The following VWA5B1 variants were observed in gnomAD, a reference collection of about 807,000 sequenced individuals.
VWA5B1 encodes the protein von Willebrand factor A domain containing 5B1, also known as von Willebrand factor A domain-containing protein 5B1.
In VWA5B1, 115 loss-of-function variants were observed where a neutral mutation model predicts 118.2. The ratio of observed to expected loss-of-function variants is 0.97; its 90% confidence interval spans 0.84 to 1.14. The LOEUF (loss-of-function observed/expected upper bound fraction) is 1.14, where lower values mean the gene tolerates loss of function less well. Ranked by LOEUF, VWA5B1 falls within the 50% of genes most tolerant of loss-of-function variation. The probability of loss-of-function intolerance (pLI) is 0.00; values close to 1 mark genes in which losing one functional copy is unlikely to be tolerated. For synonymous variants in VWA5B1, 682 were observed against 658.4 expected, an observed-to-expected ratio of 1.04 and a Z score of -0.55; for missense variants, 1,596 against 1,603.8, an observed-to-expected ratio of 1.00 and a Z score of 0.08.
At chr1:20,343,936 G>A (rs1213892670) in intron 16 of VWA5B1, among the ~76,000 whole-genome samples, 2 of 99,750 alleles carry the variant, frequency 2.0e-5, no homozygotes, top group African/African-American at 8.5e-5. Flanking sequence ...TCCAGGATCA[G>A]CCCTTCATCT....
At chr1:20,348,452 C>G (rs1262523730) in intron 18 of VWA5B1, 94 bp downstream of exon 18, 13 of 1,305,068 alleles carry the variant, frequency 1.0e-5, no homozygotes, top group Non-Finnish European at 1.4e-5. Context: ...GGCCCTAGGA[C>G]CACTCTCTGA....
intron 7 of VWA5B1, 143 bp downstream of exon 7, chr1:20,319,649 T>G: frequency 1.5e-6 from 2 of 1,293,636 alleles, no homozygotes; most frequent in Non-Finnish European, 1.0e-6. Flanking sequence ...CAAGAAGTGT[T>G]TCCTTCTGTG....
intron 11 of VWA5B1, among the ~76,000 whole-genome samples, chr1:20,331,840 T>C (rs1477517649): frequency 6.6e-6 from 1 of 152,110 alleles, no homozygotes; most frequent in Non-Finnish European, 1.5e-5. Flanking sequence ...AAGAGAGATT[T>C]GAAAGCTCAC....
At chr1:20,328,409 G>A (rs2089451082) in intron 9 of VWA5B1, among the ~76,000 whole-genome samples, 1 of 152,110 alleles carries the variant, frequency 6.6e-6, no homozygotes. Context: ...GTGGATGAGT[G>A]GGCGTGGCAG....
rs200490020 is a variant in VWA5B1 at position 20,314,643 on chromosome 1, G to C, written c.563+51G>C. On this transcript the variant is annotated intron_variant, in intron 4 of 21. Transcript: ENST00000289815. ...CAGAGTCCCAGGTGGGCAGCAGAGA[G>C]TGCGTCAGGTGACATTAGTAGGGGA... 1,363 of 1,532,832 alleles carry C rather than the reference G, an allele frequency of 8.9e-4. 1 individual carries two copies. Among genetic ancestry groups the C allele is most frequent in the Non-Finnish European group, 1.1e-3 (1,263 of 1,135,604 alleles). 95.0% of individuals were successfully genotyped at this position (1,532,832 alleles called of 1,614,324 possible).
intron 1 of VWA5B1, among the ~76,000 whole-genome samples, chr1:20,300,271 C>A (rs904750887): frequency 2.6e-5 from 4 of 152,164 alleles, no homozygotes; most frequent in African/African-American, 9.7e-5. Flanking sequence ...CAGATCCCTT[C>A]AACTGGGCGG....
At chr1:20,298,362 T>C (rs1263612001) in intron 1 of VWA5B1, among the ~76,000 whole-genome samples, 2 of 152,126 alleles carry the variant, frequency 1.3e-5, no homozygotes, top group Non-Finnish European at 2.9e-5. Flanking sequence ...CTTCACTGCT[T>C]ACAATTCCAT....
At chr1:20,336,279 C>A in intron 12 of VWA5B1, 24 bp from the exon 13 acceptor site, 4 of 1,367,460 alleles carry the variant, frequency 2.9e-6, no homozygotes, top group Non-Finnish European at 3.8e-6. Context: ...CACTCCTAGC[C>A]CTCTTTTCTG....
At position 20,332,776 on chromosome 1, in the gene VWA5B1, C is replaced by T. The variant is rs1192043383; in HGVS notation, c.1583C>T (p.Ser528Phe). 1.3e-6 allele frequency: 2 copies of T among 1,551,540 alleles called. No individual in the cohort carries two copies. Among genetic ancestry groups the T allele is most frequent in the Non-Finnish European group, 1.7e-6 (2 of 1,146,962 alleles). Residue 528 changes from serine to phenylalanine, a missense_variant, in exon 12 of 22, where the codon TCC becomes TTC. Ser to Phe is a radical substitution (Grantham distance 155). Transcript: ENST00000289815. Reference sequence around the variant, plus strand: ...GACCCTGCCCTACAGATGGTCAAATCCTTGAAGAAGGCCATGGCCCCAGTC... The same window carrying T: ...GACCCTGCCCTACAGATGGTCAAATTCTTGAAGAAGGCCATGGCCCCAGTC... Reference protein sequence around the residue: ...GERLQPKMVKSLKKAMAPVLS... With the variant: ...GERLQPKMVKFLKKAMAPVLS...
intron 1 of VWA5B1, among the ~76,000 whole-genome samples, 174 bp from the exon 2 acceptor site, chr1:20,310,402 C>T (rs2088811162): frequency 6.6e-6 from 1 of 152,182 alleles, no homozygotes; most frequent in Admixed American, 6.5e-5. Context: ...CTTCTCTTCT[C>T]AGGGGAGATT....
chr1:20,336,317 G>A lies in VWA5B1; in HGVS notation c.1773G>A (p.Arg591=). ...TCTCCCTACAGGACAAGAGGCGCCG[G>A]TACAGCATGCTGCACTCTCAGGAGT... ...ISNPRSDKRR[R]YSMLHSQESG... is the part of the protein sequence containing the mutation. The change falls in exon 13 of 22, where the codon CGG becomes CGA. Residue 591 remains arginine (R), a synonymous_variant. Transcript: ENST00000289815. The A allele has an allele frequency of 6.7e-7, 1 of 1,483,700 alleles. No homozygotes were observed. The highest frequency in any genetic ancestry group is 9.0e-7 in the Non-Finnish European group (1 of 1,110,254). The allele number at this position is 1,483,700 out of a possible 1,614,324, so 91.9% of individuals were successfully genotyped here.
At position 20,310,670 on chromosome 1, in the gene VWA5B1, T is replaced by G. The variant is rs926131332; in HGVS notation, c.69T>G (p.Cys23Trp). Reference sequence around the variant, plus strand: ...TCACCGCGTCTGATGTTACCTCCTGTGTCAGCGGTTATGCCCTGGGCCTAA... The same window carrying G: ...TCACCGCGTCTGATGTTACCTCCTGGGTCAGCGGTTATGCCCTGGGCCTAA... Reference protein sequence around the residue: ...LPLTASDVTSCVSGYALGLTA... With the variant: ...LPLTASDVTSWVSGYALGLTA... The change falls in exon 2 of 22, where the codon TGT (cysteine) becomes TGG (tryptophan). Residue 23 changes from cysteine to tryptophan, a missense_variant. Coordinates refer to ENST00000289815, the MANE Select transcript of VWA5B1 (RefSeq NM_001039500.3). 6.4e-7 allele frequency: 1 copy of G among 1,551,060 alleles called. No individual in the cohort carries two copies. Among genetic ancestry groups the G allele is most frequent in the African/African-American group, 1.4e-5 (1 of 73,022 alleles).
chr1:20,291,906 G>T (rs1451889498), intron 1 of VWA5B1, among the ~76,000 whole-genome samples: 1 of 152,284 alleles, frequency 6.6e-6, no homozygotes, highest in South Asian at 2.1e-4. Context: ...GTCTGCGGCA[G>T]CCCCAACAGT....
intron 1 of VWA5B1, among the ~76,000 whole-genome samples, chr1:20,293,184 C>T (rs535038861): frequency 6.6e-6 from 1 of 152,354 alleles, no homozygotes; most frequent in South Asian, 2.1e-4. Context: ...CCTGTGGCCC[C>T]TACTCACCTG....
chr1:20,327,809 G>A (rs975320655), intron 8 of VWA5B1, 81 bp from the exon 9 acceptor site: 2 of 1,209,352 alleles, frequency 1.7e-6, no homozygotes, highest in Middle Eastern at 2.1e-4. Context: ...CTCGTGTGCT[G>A]GGAAAGGGAA....
chr1:20,325,632 G>C (rs147490643), intron 8 of VWA5B1, among the ~76,000 whole-genome samples: 4 of 152,092 alleles, frequency 2.6e-5, no homozygotes, highest in African/African-American at 9.7e-5. Flanking sequence ...CAGAATTCTC[G>C]GACAATAACT....
intron 1 of VWA5B1, among the ~76,000 whole-genome samples, chr1:20,302,833 G>A (rs1356090395): frequency 6.6e-6 from 1 of 152,144 alleles, no homozygotes; most frequent in African/African-American, 2.4e-5. Flanking sequence ...AAAGCCCACA[G>A]TGCCAGAAGA....
At position 20,354,311 on chromosome 1, in the gene VWA5B1, A is replaced by G; in HGVS notation, c.*48A>G. 2 of 1,460,504 alleles carry G rather than the reference A, an allele frequency of 1.4e-6. No homozygotes were observed. Among genetic ancestry groups the G allele is most frequent in the Non-Finnish European group, 1.8e-6 (2 of 1,085,140 alleles). The allele number at this position is 1,460,504 out of a possible 1,614,324, so 90.5% of individuals were successfully genotyped here. On this transcript the variant is annotated 3_prime_UTR_variant, in exon 22 of 22. Transcript: ENST00000289815. ...GGAGGGAAGGGTGGGGAGGAGAGGG[A>G]TGGGCAGGGCCATGTCGGCCTGGTT...
In VWA5B1 at chr1:20,319,537, T is replaced by C. The variant is rs1298945294; in HGVS notation, c.966+31T>C. The C allele has an allele frequency of 9.0e-6, 14 of 1,550,002 alleles. No individual in the cohort carries two copies. In the Admixed American group the frequency reaches 2.6e-4, roughly 28 times the overall value. On this transcript the variant is annotated intron_variant, in intron 7 of 21. Transcript: ENST00000289815. ...GGCAACTGAGGTGGGGAGCGGACGG[T>C]GGCAGAGTTGGGGTGGCGCTGAGGC... is the stretch of plus-strand genomic sequence containing the variant.
Sources: gnomAD v4.1 joint callset for allele counts (sites outside exome capture counted in the v4.1 genomes callset) on GRCh38, gnomAD v4.1.1 for gene constraint, MANE v1.5 for transcripts, NCBI Gene and HGNC (gene_info 2026-07-23, HGNC 2026-07-21) for gene names.